The following LAMB3 variants were observed in gnomAD, a reference collection of about 807,000 sequenced individuals.
LAMB3 encodes the protein laminin subunit beta 3, also known as laminin subunit beta-3.
LAMB3 carries 104 observed loss-of-function variants against 140.3 expected under a neutral mutation model. The observed-to-expected ratio is 0.74, with a 90% CI of 0.63 to 0.87. LAMB3 has a LOEUF of 0.87. Among genes scored for constraint, LAMB3 ranks in the 40% least tolerant of loss-of-function variants. LAMB3 has a pLI of 0.00. For missense variants in LAMB3, 1,531 were observed against 1,575.2 expected (o/e 0.97, Z 0.47); for synonymous variants, 592 against 602.9 (o/e 0.98, Z 0.26).
At position 209,626,914 on chromosome 1, in the gene LAMB3, C is replaced by T. The variant is rs1046933364; in HGVS notation, c.1550G>A (p.Arg517His). ...TCCATAGGTCCGGTCTGGACACTGG[C>T]GGATGGCTGCAGCGCTGCACATCAG... ...GGLMCSAAAIRQCPDRTYGDV... is the reference protein window; with the variant it reads ...GGLMCSAAAIHQCPDRTYGDV... The change falls in exon 13 of 23, where the codon CGC (arginine) becomes CAC (histidine). Residue 517 changes from arginine to histidine, a missense_variant. Coordinates refer to ENST00000356082, the MANE Select transcript of LAMB3 (RefSeq NM_000228.3). 5 of 1,613,738 alleles carry T rather than the reference C, an allele frequency of 3.1e-6. No homozygotes were observed. Among genetic ancestry groups the T allele is most frequent in the Middle Eastern group, 1.6e-4 (1 of 6,082 alleles).
At chr1:209,645,702 C>A (rs2076510906) in intron 3 of LAMB3, among the ~76,000 whole-genome samples, 1 of 140,276 alleles carries the variant, frequency 7.1e-6, no homozygotes, top group East Asian at 2.1e-4. Context: ...GGTGGCAGAG[C>A]AAGACTCTGT....
intron 10 of LAMB3, 89 bp from the exon 11 acceptor site, chr1:209,628,279 C>CAGTGGTGGAACAAGGAT: frequency 7.1e-7 from 1 of 1,410,340 alleles, no homozygotes; most frequent in Non-Finnish European, 9.7e-7. Flanking sequence ...GGTTCAAATC[C>CAGTGGTGGAACAAGGAT]TTGTTCCACC....
chr1:209,640,375 C>T (rs2076457468), intron 3 of LAMB3, among the ~76,000 whole-genome samples: 1 of 151,888 alleles, frequency 6.6e-6, no homozygotes, highest in Non-Finnish European at 1.5e-5. Context: ...TGGTGAAACC[C>T]TGTCTCTACT....
Position 209,614,897 on chromosome 1 carries a change from T to G in LAMB3, c.*374A>C, listed in dbSNP as rs1289266955. On this transcript the variant is annotated 3_prime_UTR_variant, in exon 23 of 23. Coordinates refer to ENST00000356082, the MANE Select transcript of LAMB3 (RefSeq NM_000228.3). Reference sequence around the variant, plus strand: ...TTTCCTCGTTGAACCTCCAGGCTCTTTTCCAAAGATTTTTATTTGGCTTTT... The same window carrying G: ...TTTCCTCGTTGAACCTCCAGGCTCTGTTCCAAAGATTTTTATTTGGCTTTT... The G allele has an allele frequency of 5.0e-6, 1 of 200,316 alleles. No homozygotes were observed. Among genetic ancestry groups the G allele is most frequent in the Non-Finnish European group, 1.0e-5 (1 of 98,440 alleles). 12.4% of individuals were successfully genotyped at this position (200,316 alleles called of 1,614,324 possible). A position where few individuals can be genotyped will look rare whatever the true frequency, so the allele number is the denominator to read the frequency against.
intron 5 of LAMB3, among the ~76,000 whole-genome samples, chr1:209,636,901 C>T (rs547677691): frequency 1.3e-5 from 2 of 152,200 alleles, no homozygotes; most frequent in African/African-American, 2.4e-5. Context: ...GACTTCCCCA[C>T]GTATGGTGAA....
intron 1 of LAMB3, 58 bp from the exon 2 acceptor site, chr1:209,651,039 C>G (rs943544715): frequency 1.1e-5 from 13 of 1,131,162 alleles, no homozygotes; most frequent in Non-Finnish European, 1.6e-5. Context: ...GCACACTAGC[C>G]CTTTTTCTTT....
intron 3 of LAMB3, among the ~76,000 whole-genome samples, chr1:209,646,651 G>A (rs1213599128): frequency 1.3e-5 from 2 of 152,214 alleles, no homozygotes; most frequent in Admixed American, 6.5e-5. Flanking sequence ...GCGAACGCAT[G>A]TCCTGATCAG....
At chr1:209,636,251 C>G (rs1425611944) in intron 5 of LAMB3, among the ~76,000 whole-genome samples, 1 of 152,192 alleles carries the variant, frequency 6.6e-6, no homozygotes, top group Non-Finnish European at 1.5e-5. Context: ...AAATCTTAGT[C>G]CTAGAAGCTG....
At position 209,622,673 on chromosome 1, in the gene LAMB3, G is replaced by A. The variant is rs151006337; in HGVS notation, c.2564C>T (p.Ala855Val). 1.2e-6 allele frequency: 2 copies of A among 1,614,014 alleles called. No homozygotes were observed. Among genetic ancestry groups the A allele is most frequent in the Admixed American group, 1.7e-5 (1 of 60,006 alleles). The stretch of plus-strand genomic sequence containing the variant: ...AATCTGTGAGGCAGATTCCTCGGCT[G>A]CCCTAATCTGTTGACATACACTCTA... ...QLQRTRQMIR[A>V]AEESASQIQS... The change falls in exon 18 of 23, where the codon GCA becomes GTA. Residue 855 changes from alanine (A) to valine (V), a missense_variant. Physicochemically the swap from Ala to Val is moderately conservative, Grantham distance 64. Transcript: ENST00000356082.
rs1476057501 is a variant in LAMB3, at chr1:209,650,430, G to A, written c.29-312C>T. Reference sequence around the variant, plus strand: ...AGACTCGGCCATCATGACAAGGTCCGCAGCTCTTTCCACCTGCATTGTGGC... The same window carrying A: ...AGACTCGGCCATCATGACAAGGTCCACAGCTCTTTCCACCTGCATTGTGGC... On this transcript the variant is annotated intron_variant, in intron 2 of 22. Coordinates refer to ENST00000356082, the MANE Select transcript of LAMB3 (RefSeq NM_000228.3). Among the ~76,000 whole-genome samples the A allele has an allele frequency of 2.0e-5, 3 of 152,176 alleles. No individual in the cohort carries two copies. The East Asian group carries it at 5.8e-4, about 29-fold the overall frequency.
chr1:209,630,815 C>A, intron 8 of LAMB3, 80 bp from the exon 9 acceptor site: 3 of 1,492,312 alleles, frequency 2.0e-6, no homozygotes, highest in Non-Finnish European at 1.9e-6. Flanking sequence ...GCCCTCTGAC[C>A]CTCTGCGCAC....
Position 209,623,136 on chromosome 1 carries a change from C to CA in LAMB3, c.2401dup (p.Cys801LeufsTer4), listed in dbSNP as rs1558150946. 1 of 1,614,216 alleles carries CA rather than the reference C, an allele frequency of 6.2e-7. No individual in the cohort carries two copies. The highest frequency in any genetic ancestry group is 8.5e-7 in the Non-Finnish European group (1 of 1,180,036). On this transcript the variant is annotated frameshift_variant, in exon 17 of 23. Coordinates refer to ENST00000356082, the MANE Select transcript of LAMB3 (RefSeq NM_000228.3). LOFTEE classifies it high-confidence loss of function. The surrounding 1 kb of genome is among the most constrained non-coding windows in gnomAD (Gnocchi z 4.2). ...GTCTTGGGGACATAGCTCACCAGGG[C>CA]ATGATATTGGGGTGCAAGCCATCTG...
At chr1:209,634,900 C>T (rs1447902172) in intron 5 of LAMB3, among the ~76,000 whole-genome samples, 1 of 150,864 alleles carries the variant, frequency 6.6e-6, no homozygotes, top group Non-Finnish European at 1.5e-5. Context: ...ACACTTCGCA[C>T]AGTTGACCAT....
At chr1:209,635,346 C>G (rs1666858997) in intron 5 of LAMB3, among the ~76,000 whole-genome samples, 1 of 152,126 alleles carries the variant, frequency 6.6e-6, no homozygotes, top group African/African-American at 2.4e-5. Context: ...ATCTGATTTC[C>G]CCTTTCCCCA....
chr1:209,618,613 C>G lies in LAMB3; in HGVS notation c.2748G>C (p.Val916=), dbSNP rs757014178. Residue 916 remains valine (V), a synonymous_variant, in exon 19 of 23, where the codon GTG becomes GTC. Coordinates refer to ENST00000356082, the MANE Select transcript of LAMB3 (RefSeq NM_000228.3). ...AATIQEVSEA[V]LALWLPTDSA... ...AGTCTGTGGGCAGCCACAGGGCCAG[C>G]ACGGCCTCGCTGACCTCCTGGATAG... The G allele has an allele frequency of 6.2e-7, 1 of 1,614,236 alleles. No individual in the cohort carries two copies. Among genetic ancestry groups the G allele is most frequent in the Non-Finnish European group, 8.5e-7 (1 of 1,180,048 alleles).
rs199758152 is a variant in LAMB3 at position 209,623,622 on chromosome 1, T to G, written c.2241A>C (p.Arg747Ser). The change falls in exon 16 of 23, where the codon AGA becomes AGC. Residue 747 changes from arginine (R) to serine (S), a missense_variant. Physicochemically the swap from Arg to Ser is moderately radical, Grantham distance 110. Coordinates refer to ENST00000356082, the MANE Select transcript of LAMB3 (RefSeq NM_000228.3). This position sits in a 1 kb window ranked among gnomAD's most constrained non-coding sequence, Gnocchi z 4.2. The stretch of plus-strand genomic sequence containing the variant: ...CCTGCCGCACCAGCCTCTCTGCCTC[T>G]CTCCGGCTGTCCCTGAGCTGGTCCA... ...RLLDQLRDSR[R>S]EAERLVRQAG... 1.5e-4 allele frequency: 247 copies of G among 1,614,100 alleles called. No individual in the cohort carries two copies. The highest frequency in any genetic ancestry group is 1.9e-4 in the Non-Finnish European group (226 of 1,180,042).
intron 3 of LAMB3, among the ~76,000 whole-genome samples, chr1:209,646,366 A>C (rs1329786190): frequency 6.6e-6 from 1 of 152,200 alleles, no homozygotes; most frequent in Non-Finnish European, 1.5e-5. Flanking sequence ...AGCGCTGAAT[A>C]AACGGCAAAG....
At chr1:209,617,292 G>T in intron 21 of LAMB3, 118 bp downstream of exon 21, 3 of 1,160,128 alleles carry the variant, frequency 2.6e-6, no homozygotes, top group Non-Finnish European at 2.6e-6. Flanking sequence ...AGCCTCTTCT[G>T]GTTCTGTTAT....
chr1:209,620,569 C>T (rs1465735194), intron 18 of LAMB3, among the ~76,000 whole-genome samples: 1 of 152,216 alleles, frequency 6.6e-6, no homozygotes, highest in Non-Finnish European at 1.5e-5. Flanking sequence ...TGCCGTAAAG[C>T]AATAGGGTGT....
Sources: gnomAD v4.1 joint callset for allele counts (sites outside exome capture counted in the v4.1 genomes callset) on GRCh38, gnomAD v4.1.1 for gene constraint, Gnocchi (gnomAD v3.1) non-coding constraint, MANE v1.5 for transcripts, NCBI Gene and HGNC (gene_info 2026-07-23, HGNC 2026-07-21) for gene names.